Variants in DAPK2 observed in about 807,000 individuals in gnomAD.
The protein encoded by DAPK2 is death associated protein kinase 2, also known as death-associated protein kinase 2.
DAPK2 carries 35 observed loss-of-function variants against 44.1 expected under a neutral mutation model. The ratio of observed to expected loss-of-function variants is 0.79; its 90% CI spans 0.61 to 1.05. The LOEUF is 1.05. Among genes scored for constraint, DAPK2 ranks in the 50% least tolerant of loss-of-function variants. DAPK2 has a pLI of 0.00. For synonymous variants in DAPK2, 174 were observed against 182.6 expected, an observed-to-expected ratio of 0.95 and a Z score of 0.38; for missense variants, 453 against 483.2, an observed-to-expected ratio of 0.94 and a Z score of 0.59.
At chr15:64,022,155 CA>C (rs2079701625) in intron 1 of DAPK2, among the ~76,000 whole-genome samples, 1 of 152,140 alleles carries the variant, frequency 6.6e-6, no homozygotes, top group African/African-American at 2.4e-5. Context: ...GGTAACCATC[CA>C]AATGCTGGTT....
At chr15:63,924,898 G>A in intron 7 of DAPK2, 37 bp from the exon 9 acceptor site, 1 of 1,611,746 alleles carries the variant, frequency 6.2e-7, no homozygotes, top group Non-Finnish European at 8.5e-7. Flanking sequence ...TGATCCATGA[G>A]GACAGAAGTT....
At chr15:64,005,217 C>T (rs370105446) in intron 1 of DAPK2, among the ~76,000 whole-genome samples, 5 of 152,088 alleles carry the variant, frequency 3.3e-5, no homozygotes, top group African/African-American at 1.2e-4. Flanking sequence ...TCAGGGAAGC[C>T]AAGAGGCTCT....
At chr15:64,026,260 T>C (rs1340006479) in intron 1 of DAPK2, among the ~76,000 whole-genome samples, 1 of 152,090 alleles carries the variant, frequency 6.6e-6, no homozygotes, top group Non-Finnish European at 1.5e-5. Flanking sequence ...TTAATTTTTT[T>C]TAAGGCAGTC....
At chr15:64,012,932 A>G (rs1234100064) in intron 1 of DAPK2, among the ~76,000 whole-genome samples, 1 of 152,256 alleles carries the variant, frequency 6.6e-6, no homozygotes, top group Non-Finnish European at 1.5e-5. Flanking sequence ...ATATTTATAT[A>G]GGGAATGACT....
At chr15:63,926,921 C>T (rs766449103) in intron 6 of DAPK2, among the ~76,000 whole-genome samples, 2 of 152,180 alleles carry the variant, frequency 1.3e-5, no homozygotes, top group African/African-American at 4.8e-5. Context: ...GTTCCATTTA[C>T]TAAATATCTC....
chr15:63,999,192 T>C (rs993133906), intron 1 of DAPK2, among the ~76,000 whole-genome samples: 1 of 152,184 alleles, frequency 6.6e-6, no homozygotes, highest in Non-Finnish European at 1.5e-5. Flanking sequence ...CAGAGGCCAG[T>C]AAGAAGCAAA....
intron 1 of DAPK2, among the ~76,000 whole-genome samples, chr15:64,033,104 A>T (rs1379167720): frequency 6.6e-6 from 1 of 151,484 alleles, no homozygotes; most frequent in Non-Finnish European, 1.5e-5. Flanking sequence ...ATAAGTAAAT[A>T]AATAAATTAG....
Position 64,046,285 on chromosome 15 carries a change from G to C in DAPK2, c.-7+13C>G. ...CGTCCCGCCCATCGAGCCCGCAGAC[G>C]GGTGCTACTCACGGCGGGAGGCTGA... On this transcript the variant is annotated intron_variant, in intron 1 of 11. Coordinates refer to the DAPK2 transcript ENST00000457488. The surrounding 1 kb of genome is among the most constrained non-coding windows in gnomAD (Gnocchi z 5.3). The C allele has an allele frequency of 1.0e-6, 1 of 978,562 alleles. No homozygotes were observed. Among genetic ancestry groups the C allele is most frequent in the Non-Finnish European group, 1.2e-6 (1 of 825,764 alleles). The allele number at this position is 978,562 out of a possible 1,614,324, so 60.6% of individuals were successfully genotyped here.
chr15:64,026,040 G>A (rs551011290), intron 1 of DAPK2, among the ~76,000 whole-genome samples: 4 of 152,224 alleles, frequency 2.6e-5, no homozygotes, highest in South Asian at 4.1e-4. Context: ...AGGAGCCCTC[G>A]CAGGTGAAAG....
intron 1 of DAPK2, among the ~76,000 whole-genome samples, chr15:64,002,916 C>G (rs982412348): frequency 3.5e-5 from 3 of 86,108 alleles, no homozygotes; most frequent in African/African-American, 4.6e-5. Context: ...GACTGAGACA[C>G]TGTGTGTGTG....
intron 1 of DAPK2, chr15:63,991,275 G>A (rs911179959): frequency 1.1e-5 from 5 of 456,244 alleles, no homozygotes; most frequent in African/African-American, 1.0e-4. Flanking sequence ...CATGACAGGA[G>A]TGAGAAACAC....
intron 1 of DAPK2, among the ~76,000 whole-genome samples, chr15:64,037,075 C>A (rs1484368459): frequency 6.6e-6 from 1 of 152,200 alleles, no homozygotes; most frequent in African/African-American, 2.4e-5. Flanking sequence ...TCAGAGAGGG[C>A]AGGTTGTCTA....
chr15:63,976,066 C>T (rs1357105694), intron 2 of DAPK2, among the ~76,000 whole-genome samples: 1 of 152,162 alleles, frequency 6.6e-6, no homozygotes, highest in Non-Finnish European at 1.5e-5. Flanking sequence ...AAAAGTAGAA[C>T]AACCGGACAT....
At chr15:63,992,175 C>T (rs2078838853) in intron 1 of DAPK2, among the ~76,000 whole-genome samples, 1 of 152,112 alleles carries the variant, frequency 6.6e-6, no homozygotes. Flanking sequence ...AAGTCTAGGA[C>T]CTGAAATAAG....
At chr15:63,934,459 G>A (rs572161208) in intron 4 of DAPK2, among the ~76,000 whole-genome samples, 32 of 151,972 alleles carry the variant, frequency 2.1e-4, no homozygotes, top group South Asian at 1.0e-3. Context: ...GTTTCACCAC[G>A]TTGGCCAGGC....
At chr15:63,931,791 T>C (rs547533811) in intron 4 of DAPK2, among the ~76,000 whole-genome samples, 216 of 151,876 alleles carry the variant, frequency 1.4e-3, no homozygotes, top group African/African-American at 4.9e-3. Context: ...GAGAAGAAGA[T>C]CAAATGCTCC....
chr15:63,919,319 A>G (rs1254963636), intron 8 of DAPK2: 1 of 152,220 alleles, frequency 6.6e-6, no homozygotes, highest in Non-Finnish European at 1.5e-5. Context: ...GCTATAAGGA[A>G]AACCACTTAG....
chr15:63,958,675 A>T (rs2077797625), intron 3 of DAPK2, among the ~76,000 whole-genome samples: 1 of 152,062 alleles, frequency 6.6e-6, no homozygotes, highest in South Asian at 2.1e-4. Context: ...GATGTGTGGT[A>T]TTATTTCCGA....
At chr15:63,983,642 C>T (rs762104677) in exon 2 of DAPK2, 26 of 1,614,056 alleles carry the variant, frequency 1.6e-5, no homozygotes, top group Non-Finnish European at 2.5e-6. Context: ...TCGATCTCCT[C>T]CCGGCTCACA....
Sources: gnomAD v4.1 joint callset for allele counts (sites outside exome capture counted in the v4.1 genomes callset) on GRCh38, gnomAD v4.1.1 for gene constraint, Gnocchi (gnomAD v3.1) non-coding constraint, MANE v1.5 for transcripts, NCBI Gene and HGNC (gene_info 2026-07-23, HGNC 2026-07-21) for gene names.